TTC28: variants seen among roughly 807,000 people sequenced by gnomAD.
TTC28 encodes tetratricopeptide repeat domain 28.
TTC28 carries 61 observed loss-of-function variants against 198.0 expected under a neutral mutation model. The observed-to-expected ratio is 0.31, with a 90% CI of 0.25 to 0.38. The LOEUF (loss-of-function observed/expected upper bound fraction) is 0.38. Ranked by LOEUF, TTC28 falls within the 10% of genes least tolerant of loss-of-function variation. The probability of loss-of-function intolerance (pLI) is 1.00; values close to 1 mark genes in which losing one functional copy is unlikely to be tolerated. For synonymous variants in TTC28, 1,171 were observed against 1,297.8 expected (o/e 0.90, Z 2.10); for missense variants, 2,678 against 3,164.0 (o/e 0.85, Z 3.69).
chr22:27,997,920 G>A (rs1048849953), intron 16 of TTC28: 1 of 152,946 alleles, frequency 6.5e-6, no homozygotes. Flanking sequence ...TATTCAGGAG[G>A]GGTGCCTGCC....
chr22:28,003,455 G>A (rs1937797910), intron 14 of TTC28, among the ~76,000 whole-genome samples: 2 of 152,124 alleles, frequency 1.3e-5, no homozygotes, highest in African/African-American at 2.4e-5. Flanking sequence ...TTCCAGAGTC[G>A]CAGGGCTTTG....
intron 5 of TTC28, among the ~76,000 whole-genome samples, chr22:28,203,716 C>G (rs1926164324): frequency 6.6e-6 from 1 of 152,084 alleles, no homozygotes; most frequent in Admixed American, 6.6e-5. Context: ...CACCCACCTG[C>G]CTCTGTGGAT....
chr22:28,113,676 A>C (rs923625788), intron 6 of TTC28, among the ~76,000 whole-genome samples: 3 of 152,224 alleles, frequency 2.0e-5, no homozygotes, highest in East Asian at 1.9e-4. Flanking sequence ...AGAAGCATTT[A>C]CACATGAAAC....
At chr22:28,167,129 T>C (rs1047208865) in intron 5 of TTC28, among the ~76,000 whole-genome samples, 7 of 152,028 alleles carry the variant, frequency 4.6e-5, no homozygotes, top group African/African-American at 1.7e-4. Context: ...CAGGAAGAAG[T>C]TGAATCTCTG....
intron 2 of TTC28, among the ~76,000 whole-genome samples, chr22:28,606,549 G>A (rs2050739554): frequency 6.6e-6 from 1 of 152,136 alleles, no homozygotes; most frequent in Non-Finnish European, 1.5e-5. Context: ...TCTAGGGACT[G>A]GAATGGGGAA....
chr22:28,145,208 T>G (rs1005006306), intron 6 of TTC28, among the ~76,000 whole-genome samples: 1 of 152,242 alleles, frequency 6.6e-6, no homozygotes, highest in African/African-American at 2.4e-5. Context: ...CGTTTTCACA[T>G]TCACACTTTC....
chr22:28,024,866 T>C (rs1411545258), intron 13 of TTC28, among the ~76,000 whole-genome samples: 1 of 152,186 alleles, frequency 6.6e-6, no homozygotes, highest in Non-Finnish European at 1.5e-5. Flanking sequence ...TATGGGTGGA[T>C]GGCAGCCATG....
chr22:28,086,942 C>A (rs1433971187), intron 12 of TTC28, among the ~76,000 whole-genome samples: 1 of 151,996 alleles, frequency 6.6e-6, no homozygotes, highest in Admixed American at 6.6e-5. Flanking sequence ...ACACATACAC[C>A]CTCCCAAGAC....
At chr22:28,160,296 C>T (rs1170083725) in intron 6 of TTC28, among the ~76,000 whole-genome samples, 2 of 152,180 alleles carry the variant, frequency 1.3e-5, no homozygotes, top group East Asian at 3.8e-4. Flanking sequence ...ACATTGCATG[C>T]CTGTATCAAA....
intron 6 of TTC28, among the ~76,000 whole-genome samples, chr22:28,137,248 G>C (rs1356691152): frequency 6.6e-6 from 1 of 152,102 alleles, no homozygotes; most frequent in African/African-American, 2.4e-5. Context: ...ATGCTGCTGA[G>C]GCTTCCTCAT....
intron 16 of TTC28, 31 bp from the exon 17 acceptor site, chr22:27,996,290 G>A: frequency 6.5e-7 from 1 of 1,544,490 alleles, no homozygotes; most frequent in Non-Finnish European, 8.7e-7. Context: ...CACCTCAGCA[G>A]GGCAGCTGGA....
At chr22:28,295,605 T>C (rs946072318) in intron 5 of TTC28, among the ~76,000 whole-genome samples, 4 of 152,188 alleles carry the variant, frequency 2.6e-5, no homozygotes, top group Admixed American at 1.3e-4. Context: ...GATTTAAATC[T>C]GGGCCTATCT....
chr22:28,373,105 T>C (rs2046361682), intron 2 of TTC28, among the ~76,000 whole-genome samples: 2 of 152,186 alleles, frequency 1.3e-5, no homozygotes, highest in Admixed American at 1.3e-4. Flanking sequence ...GATAACTTTA[T>C]ACCTTGGAAA....
intron 2 of TTC28, among the ~76,000 whole-genome samples, chr22:28,495,724 A>C (rs959804652): frequency 5.9e-5 from 9 of 152,206 alleles, no homozygotes; most frequent in Non-Finnish European, 1.5e-5. Context: ...AGCAGATCAG[A>C]AGGCTCCAGC....
chr22:27,983,089 G>T lies in TTC28; in HGVS notation c.6578C>A (p.Pro2193His). Residue 2193 changes from proline (P) to histidine (H), a missense_variant, in exon 23 of 23, where the codon CCT (proline) becomes CAT (histidine). Physicochemically the swap from Pro to His is moderately conservative, Grantham distance 77 (BLOSUM62 -2). Around this residue, in one of 8 missense-constraint regions of TTC28, gnomAD observed 622 missense variants for 656.0 expected, o/e 0.95. Transcript: ENST00000397906. The part of the protein sequence containing the change: ...SGGQVSKSNN[P>H]EDGVQAPSST... ...GCTGGGCGCCTGAACGCCGTCTTCA[G>T]GGTTATTACTCTTGCTCACCTGGCC... 6.4e-7 allele frequency: 1 copy of T among 1,551,752 alleles called. No individual in the cohort carries two copies. Among genetic ancestry groups the T allele is most frequent in the East Asian group, 2.4e-5 (1 of 40,910 alleles).
At chr22:28,525,730 T>G (rs1266819480) in intron 2 of TTC28, among the ~76,000 whole-genome samples, 1 of 152,214 alleles carries the variant, frequency 6.6e-6, no homozygotes, top group Non-Finnish European at 1.5e-5. Flanking sequence ...TCTTGTATTC[T>G]GAAAATTAAA....
intron 1 of TTC28, among the ~76,000 whole-genome samples, chr22:28,635,522 C>G (rs2051255444): frequency 6.6e-6 from 1 of 152,044 alleles, no homozygotes; most frequent in Non-Finnish European, 1.5e-5. Flanking sequence ...CTGATATTTT[C>G]CTCTGATCCT....
chr22:28,275,372 A>G (rs1932355543), intron 5 of TTC28, among the ~76,000 whole-genome samples: 1 of 152,226 alleles, frequency 6.6e-6, no homozygotes, highest in Admixed American at 6.5e-5. Flanking sequence ...CAGTCTGTTA[A>G]TAAAACAATC....
chr22:28,248,570 GA>G (rs1183477956), intron 5 of TTC28, among the ~76,000 whole-genome samples: 2 of 152,022 alleles, frequency 1.3e-5, no homozygotes, highest in African/African-American at 4.8e-5. Flanking sequence ...GAAAGAGGAG[GA>G]AAAACTTGGA....
Sources: gnomAD v4.1 joint callset for allele counts (sites outside exome capture counted in the v4.1 genomes callset) on GRCh38, gnomAD v4.1.1 for gene constraint, gnomAD v4.1.1 regional missense constraint, MANE v1.5 for transcripts, NCBI Gene and HGNC (gene_info 2026-07-23, HGNC 2026-07-21) for gene names.